The following RIMS1 variants were observed in gnomAD, a reference collection of about 807,000 sequenced individuals.
The protein encoded by RIMS1 is regulating synaptic membrane exocytosis 1.
In RIMS1, 83 loss-of-function variants were observed where a neutral mutation model predicts 214.1. The ratio of observed to expected loss-of-function variants is 0.39; its 90% CI spans 0.32 to 0.47. RIMS1 has a LOEUF of 0.47. Ranked by LOEUF, RIMS1 falls within the 20% of genes least tolerant of loss-of-function variation. The pLI is 0.99. For synonymous variants in RIMS1, 793 were observed against 786.8 expected (o/e 1.01, Z -0.13); for missense variants, 2,050 against 2,161.8 (o/e 0.95, Z 1.03).
At chr6:72,153,451 G>T (rs1299717067) in intron 4 of RIMS1, among the ~76,000 whole-genome samples, 1 of 151,836 alleles carries the variant, frequency 6.6e-6, no homozygotes, top group Non-Finnish European at 1.5e-5. Flanking sequence ...CTCTAAGTTT[G>T]TAAGAACCAC....
Position 72,402,356 on chromosome 6 carries a change from G to A in RIMS1, c.*1642G>A, listed in dbSNP as rs917805922. The A allele has an allele frequency of 3.9e-5, 6 of 152,596 alleles. No individual in the cohort carries two copies. Among genetic ancestry groups the A allele is most frequent in the African/African-American group, 1.4e-4 (6 of 41,434 alleles). 9.5% of individuals were successfully genotyped at this position (152,596 alleles called of 1,614,324 possible). On this transcript the variant is annotated 3_prime_UTR_variant, in exon 34 of 34. Coordinates refer to ENST00000521978, the MANE Select transcript of RIMS1 (RefSeq NM_014989.7). ...TTAGCCAGACTCAGTCTCTGGGTCT[G>A]TGGTGAAATGTCTATAGATGGACTT...
intron 4 of RIMS1, among the ~76,000 whole-genome samples, chr6:72,175,021 T>G (rs997776014): frequency 6.6e-6 from 1 of 152,156 alleles, no homozygotes; most frequent in Admixed American, 6.5e-5. Flanking sequence ...CATTCTCATT[T>G]ATTCTGACAT....
At chr6:72,177,691 T>C (rs1383551722) in intron 4 of RIMS1, among the ~76,000 whole-genome samples, 2 of 152,190 alleles carry the variant, frequency 1.3e-5, no homozygotes, top group African/African-American at 4.8e-5. Flanking sequence ...CAAACTTTCT[T>C]ATTATGGTCT....
At chr6:72,085,321 G>T (rs752978682) in intron 2 of RIMS1, among the ~76,000 whole-genome samples, 6 of 152,072 alleles carry the variant, frequency 3.9e-5, no homozygotes, top group Admixed American at 6.6e-5. Context: ...TTAGAATATT[G>T]CCTCTGAAGC....
rs529812225 is a variant in RIMS1 at position 72,137,606 on chromosome 6, A to T, written c.471+37620A>T. Among the ~76,000 whole-genome samples the T allele has an allele frequency of 6.6e-5, 10 of 151,844 alleles. No individual in the cohort carries two copies. The South Asian group carries it at 2.1e-3, about 32-fold the overall frequency. ...TAAGTACATTAGCATTTTATATATT[A>T]AATGTGTTTTAAATATATATATATA... On this transcript the variant is annotated intron_variant, in intron 4 of 33. Transcript: ENST00000521978.
chr6:71,902,815 A>G (rs770673790), intron 1 of RIMS1, among the ~76,000 whole-genome samples: 22 of 152,102 alleles, frequency 1.4e-4, no homozygotes, highest in Non-Finnish European at 2.9e-4. Flanking sequence ...GCTGAGGATA[A>G]TGGCTTCCAG....
intron 4 of RIMS1, among the ~76,000 whole-genome samples, chr6:72,142,199 T>C (rs1451401198): frequency 2.6e-5 from 4 of 151,924 alleles, no homozygotes; most frequent in Non-Finnish European, 4.4e-5. Flanking sequence ...AAAAAAATCA[T>C]TGGGTTAACC....
chr6:72,070,082 A>G (rs1830239750), intron 2 of RIMS1, among the ~76,000 whole-genome samples: 1 of 152,116 alleles, frequency 6.6e-6, no homozygotes, highest in African/African-American at 2.4e-5. Context: ...ATTCTCTTAT[A>G]TTAATGTATT....
Position 72,237,297 on chromosome 6 carries a change from T to C in RIMS1, c.1858-526T>C, listed in dbSNP as rs373724786. On this transcript the variant is annotated intron_variant, in intron 8 of 33. Coordinates refer to ENST00000521978, the MANE Select transcript of RIMS1 (RefSeq NM_014989.7). ...AAGAAAGAAAAGAGAAAGAAAGAAA[T>C]CAGTACACAAACTTCCTTAGGACAC... 7.9e-5 allele frequency among the ~76,000 whole-genome samples: 12 copies of C among 151,294 alleles called. No homozygotes were observed. In the South Asian group the frequency reaches 1.5e-3, roughly 19 times the overall value.
chr6:72,143,334 G>A (rs2042305758), intron 4 of RIMS1, among the ~76,000 whole-genome samples: 1 of 152,182 alleles, frequency 6.6e-6, no homozygotes, highest in Admixed American at 6.5e-5. Context: ...TATCAAAATA[G>A]GATATTGTTT....
intron 1 of RIMS1, among the ~76,000 whole-genome samples, chr6:71,964,095 A>G (rs1793746992): frequency 6.6e-6 from 1 of 152,182 alleles, no homozygotes; most frequent in Non-Finnish European, 1.5e-5. Context: ...TGAGGGGAGC[A>G]GATTGTAGTA....
chr6:71,914,415 T>C (rs1777765956), intron 1 of RIMS1, among the ~76,000 whole-genome samples: 1 of 152,008 alleles, frequency 6.6e-6, no homozygotes, highest in Admixed American at 6.6e-5. Context: ...TTAGAACAAA[T>C]AACACAGTCA....
intron 2 of RIMS1, among the ~76,000 whole-genome samples, chr6:71,981,317 A>T (rs1798421862): frequency 6.6e-6 from 1 of 152,130 alleles, no homozygotes; most frequent in Non-Finnish European, 1.5e-5. Flanking sequence ...TCATTTGCTC[A>T]TGTTCATTTA....
In RIMS1 at chr6:72,000,165, T is replaced by G. The variant is rs1804719868; in HGVS notation, c.245+31102T>G. The stretch of plus-strand genomic sequence containing the variant: ...GGATATCAGTATATGATATGATATA[T>G]TAATAACATAAATCTTATATGATAT... On this transcript the variant is annotated intron_variant, in intron 2 of 33. Transcript: ENST00000521978. Among the ~76,000 whole-genome samples, 5 of 152,122 alleles carry G rather than the reference T, an allele frequency of 3.3e-5. 1 individual carries two copies. The South Asian group carries it at 1.0e-3, about 31-fold the overall frequency.
intron 23 of RIMS1, among the ~76,000 whole-genome samples, chr6:72,279,958 T>C (rs2089240381): frequency 6.6e-6 from 1 of 151,964 alleles, no homozygotes; most frequent in East Asian, 1.9e-4. Flanking sequence ...TGACTGACAG[T>C]TCATTATGTA....
intron 1 of RIMS1, among the ~76,000 whole-genome samples, chr6:71,944,598 A>G (rs1434750782): frequency 2.0e-5 from 3 of 152,194 alleles, no homozygotes; most frequent in African/African-American, 7.2e-5. Context: ...GCAGAAAAGT[A>G]GTGAGACCAT....
chr6:71,989,017 C>G (rs1307165650), intron 2 of RIMS1, among the ~76,000 whole-genome samples: 2 of 152,104 alleles, frequency 1.3e-5, no homozygotes, highest in Non-Finnish European at 2.9e-5. Flanking sequence ...GCTGGATTGC[C>G]AACACCAGTT....
At chr6:72,039,923 A>G (rs1820958865) in intron 2 of RIMS1, among the ~76,000 whole-genome samples, 1 of 152,078 alleles carries the variant, frequency 6.6e-6, no homozygotes, top group South Asian at 2.1e-4. Flanking sequence ...AGAAAGAAAT[A>G]CTGGATCATA....
At chr6:72,148,386 A>G (rs1345529050) in intron 4 of RIMS1, among the ~76,000 whole-genome samples, 1 of 151,188 alleles carries the variant, frequency 6.6e-6, no homozygotes, top group Admixed American at 6.6e-5. Flanking sequence ...AGAGGGGGAG[A>G]AAAAAAAAGA....
Sources: allele counts gnomAD v4.1 joint callset (sites outside exome capture counted in the v4.1 genomes callset), GRCh38; gene constraint gnomAD v4.1.1; transcripts MANE v1.5; gene names NCBI Gene and HGNC (gene_info 2026-07-23, HGNC 2026-07-21).